The following OR10W1 variants were observed in gnomAD, a reference collection of about 807,000 sequenced individuals.
OR10W1 encodes olfactory receptor family 10 subfamily W member 1.
For synonymous variants in OR10W1, 152 were observed against 151.6 expected (o/e 1.00, Z -0.02); for missense variants, 406 against 365.8 (o/e 1.11, Z -0.90).
chr11:58,267,209 A>G lies in OR10W1; in HGVS notation c.650T>C (p.Leu217Pro), dbSNP rs1176086358. 1 of 1,614,184 alleles carries G rather than the reference A, an allele frequency of 6.2e-7. No homozygotes were observed. Among genetic ancestry groups the G allele is most frequent in the Non-Finnish European group, 8.5e-7 (1 of 1,180,008 alleles). Residue 217 changes from leucine to proline, a missense_variant, in exon 1 of 1, where the codon CTC becomes CCC. Coordinates refer to ENST00000395079, the MANE Select transcript of OR10W1 (RefSeq NM_207374.3). ...TSYTFIVAALLKIHSAAGRHR... is the reference protein window; with the variant it reads ...TSYTFIVAALPKIHSAAGRHR... Reference sequence around the variant, plus strand: ...GCGGCCAGCAGCCGAGTGGATCTTGAGCAGAGCAGCCACTATGAAGGTGTA... The same window carrying G: ...GCGGCCAGCAGCCGAGTGGATCTTGGGCAGAGCAGCCACTATGAAGGTGTA...
In OR10W1 at chr11:58,267,474, A is replaced by G. The variant is rs777290920; in HGVS notation, c.385T>C (p.Leu129=). The G allele has an allele frequency of 9.3e-6, 15 of 1,613,996 alleles. No homozygotes were observed. The Admixed American group carries it at 1.7e-4, about 18-fold the overall frequency. ...HPLQYPLLMT[L]TLCVHLVVAS... ...ACAACCAAGTGGACACAAAGAGTCA[A>G]TGTCATGAGGAGAGGGTACTGCAAC... The change falls in exon 1 of 1, where the codon TTG becomes CTG. Residue 129 remains leucine, a synonymous_variant. Coordinates refer to ENST00000395079, the MANE Select transcript of OR10W1 (RefSeq NM_207374.3).
At position 58,268,195 on chromosome 11, in the gene OR10W1, T is replaced by G. The variant is rs768198831; in HGVS notation, c.-337A>C. ...AGAAAGAGTGGAATGAAAATTCAATTCTTTCAGCAAATTCACAAGAAAGTG... is the reference window on the plus strand; with the variant it reads ...AGAAAGAGTGGAATGAAAATTCAATGCTTTCAGCAAATTCACAAGAAAGTG... On this transcript the variant is annotated 5_prime_UTR_variant, in exon 1 of 1. Transcript: ENST00000395079. 1.9e-5 allele frequency: 5 copies of G among 260,082 alleles called. No individual in the cohort carries two copies. Among genetic ancestry groups the G allele is most frequent in the Non-Finnish European group, 3.2e-5 (4 of 125,482 alleles). 16.1% of individuals were successfully genotyped at this position (260,082 alleles called of 1,614,324 possible).
rs754152466 is a variant in OR10W1 at position 58,267,885 on chromosome 11, T to C, written c.-27A>G. On this transcript the variant is annotated 5_prime_UTR_variant, in exon 1 of 1. Coordinates refer to ENST00000395079, the MANE Select transcript of OR10W1 (RefSeq NM_207374.3). ...AACACTGAGTGATTTTCCCAGGTAA[T>C]TGAGCTAACAGTATTTCTCTGTGGA... is the stretch of plus-strand genomic sequence containing the variant. 28 of 1,540,904 alleles carry C rather than the reference T, an allele frequency of 1.8e-5. No individual in the cohort carries two copies. The highest frequency in any genetic ancestry group is 1.3e-4 in the Admixed American group (8 of 59,326).
rs150847832 is a variant in OR10W1 at position 58,267,197 on chromosome 11, G to C, written c.662C>G (p.Ser221Trp). The part of the protein sequence containing the change: ...FIVAALLKIH[S>W]AAGRHRAFST... ...GAAGGCCCGGTGGCGGCCAGCAGCC[G>C]AGTGGATCTTGAGCAGAGCAGCCAC... is the stretch of plus-strand genomic sequence containing the variant. Residue 221 changes from serine (S) to tryptophan (W), a missense_variant, in exon 1 of 1, where the codon TCG (serine) becomes TGG (tryptophan). Physicochemically the swap from Ser to Trp is radical, Grantham distance 177. Coordinates refer to ENST00000395079, the MANE Select transcript of OR10W1 (RefSeq NM_207374.3). 4 of 1,614,148 alleles carry C rather than the reference G, an allele frequency of 2.5e-6. No individual in the cohort carries two copies. Among genetic ancestry groups the C allele is most frequent in the South Asian group, 1.1e-5 (1 of 91,082 alleles).
rs1283971715 is a variant in OR10W1 at position 58,267,651 on chromosome 11, G to A, written c.208C>T (p.Pro70Ser). The change falls in exon 1 of 1, where the codon CCC becomes TCC. Residue 70 changes from proline to serine, a missense_variant. Transcript: ENST00000395079. Reference protein sequence around the residue: ...IEICYTAVVVPHILANTLQSE... With the variant: ...IEICYTAVVVSHILANTLQSE... ...TGTAGGGTGTTGGCCAGGATATGGG[G>A]CACCACCACTGCAGTGTAGCATATT... is the stretch of plus-strand genomic sequence containing the variant. 4 of 1,614,074 alleles carry A rather than the reference G, an allele frequency of 2.5e-6. No homozygotes were observed. The East Asian group carries it at 8.9e-5, about 36-fold the overall frequency.
chr11:58,266,915 C>T lies in OR10W1; in HGVS notation c.*26G>A. 1 of 1,506,400 alleles carries T rather than the reference C, an allele frequency of 6.6e-7. No individual in the cohort carries two copies. Among genetic ancestry groups the T allele is most frequent in the Non-Finnish European group, 8.9e-7 (1 of 1,123,212 alleles). The allele number at this position is 1,506,400 out of a possible 1,614,324, so 93.3% of individuals were successfully genotyped here. A position where few individuals can be genotyped will look rare whatever the true frequency, so the allele number is the denominator to read the frequency against. On this transcript the variant is annotated 3_prime_UTR_variant, in exon 1 of 1. Coordinates refer to ENST00000395079, the MANE Select transcript of OR10W1 (RefSeq NM_207374.3). ...TTGGTGGGCTGGAACCAAATACTTG[C>T]CTGATAGGCTGTCCCCTCGTCTTTC...
rs1227805677 is a variant in OR10W1, at chr11:58,266,864, G to A, written c.*77C>T. 41 of 1,164,310 alleles carry A rather than the reference G, an allele frequency of 3.5e-5. No homozygotes were observed. The East Asian group carries it at 5.7e-4, about 16-fold the overall frequency. 72.1% of individuals were successfully genotyped at this position (1,164,310 alleles called of 1,614,324 possible). ...TTTTAGATGAGTTTTAACACCAAAT[G>A]ATAGAAATCTCAGTTTCATACAGAT... On this transcript the variant is annotated 3_prime_UTR_variant, in exon 1 of 1. Coordinates refer to ENST00000395079, the MANE Select transcript of OR10W1 (RefSeq NM_207374.3).
Position 58,266,886 on chromosome 11 carries a change from A to G in OR10W1, c.*55T>C. The G allele has an allele frequency of 7.4e-7, 1 of 1,352,610 alleles. No individual in the cohort carries two copies. Among genetic ancestry groups the G allele is most frequent in the Non-Finnish European group, 1.0e-6 (1 of 989,426 alleles). 83.8% of individuals were successfully genotyped at this position (1,352,610 alleles called of 1,614,324 possible). A position where few individuals can be genotyped will look rare whatever the true frequency, so the allele number is the denominator to read the frequency against. ...AATGATAGAAATCTCAGTTTCATAC[A>G]GATTTGGTGGGCTGGAACCAAATAC... On this transcript the variant is annotated 3_prime_UTR_variant, in exon 1 of 1. Transcript: ENST00000395079.
At position 58,267,598 on chromosome 11, in the gene OR10W1, G is replaced by T; in HGVS notation, c.261C>A (p.Gly87=). The T allele has an allele frequency of 1.2e-6, 2 of 1,614,158 alleles. No individual in the cohort carries two copies. The highest frequency in any genetic ancestry group is 1.7e-6 in the Non-Finnish European group (2 of 1,180,028). Residue 87 remains glycine, a synonymous_variant, in exon 1 of 1, where the codon GGC becomes GGA. Coordinates refer to ENST00000395079, the MANE Select transcript of OR10W1 (RefSeq NM_207374.3). The stretch of plus-strand genomic sequence containing the variant: ...TGAAGAAAGCCATCTGGGTGGCACA[G>T]CCCAGGAGAGTGATGGTCTTCTCTG... ...LQSEKTITLL[G]CATQMAFFIA... is the part of the protein sequence containing the mutation.
At position 58,267,751 on chromosome 11, in the gene OR10W1, A is replaced by G; in HGVS notation, c.108T>C (p.Ile36=). 1 of 1,614,082 alleles carries G rather than the reference A, an allele frequency of 6.2e-7. No homozygotes were observed. Among genetic ancestry groups the G allele is most frequent in the African/African-American group, 1.3e-5 (1 of 75,058 alleles). The change falls in exon 1 of 1, where the codon ATT becomes ATC. Residue 36 remains isoleucine (I), a synonymous_variant. Transcript: ENST00000395079. The stretch of plus-strand genomic sequence containing the variant: ...AGGTTTCTGTGTGAATGGACACCAC[A>G]ATGAGAATGTTCCCAGTGATGATCA... ...YGLIITGNIL[I]VVSIHTETCL...
Position 58,266,875 on chromosome 11 carries a change from C to G in OR10W1, c.*66G>C. ...TTTTAACACCAAATGATAGAAATCT[C>G]AGTTTCATACAGATTTGGTGGGCTG... On this transcript the variant is annotated 3_prime_UTR_variant, in exon 1 of 1. Coordinates refer to ENST00000395079, the MANE Select transcript of OR10W1 (RefSeq NM_207374.3). 1 of 1,246,152 alleles carries G rather than the reference C, an allele frequency of 8.0e-7. No individual in the cohort carries two copies. The highest frequency in any genetic ancestry group is 1.1e-6 in the Non-Finnish European group (1 of 894,928). The allele number at this position is 1,246,152 out of a possible 1,614,324, so 77.2% of individuals were successfully genotyped here.
chr11:58,267,149 G>A lies in OR10W1; in HGVS notation c.710C>T (p.Thr237Ile), dbSNP rs750881798. 12 of 1,614,154 alleles carry A rather than the reference G, an allele frequency of 7.4e-6. No homozygotes were observed. The highest frequency in any genetic ancestry group is 1.0e-5 in the Non-Finnish European group (12 of 1,180,016). ...RAFSTCSSHL[T>I]VVLLQYGCCA... ...GCAGCCATACTGCAGCAGCACCACA[G>A]TGAGGTGGGAAGAGCAGGTGGAGAA... Residue 237 changes from threonine to isoleucine, a missense_variant, in exon 1 of 1, where the codon ACT (threonine) becomes ATT (isoleucine). Physicochemically the swap from Thr to Ile is moderately conservative, Grantham distance 89. Transcript: ENST00000395079.
chr11:58,267,144 C>G lies in OR10W1; in HGVS notation c.715G>C (p.Val239Leu), dbSNP rs751733749. The change falls in exon 1 of 1, where the codon GTG becomes CTG. Residue 239 changes from valine (V) to leucine (L), a missense_variant. Physicochemically the swap from Val to Leu is conservative, Grantham distance 32. Coordinates refer to ENST00000395079, the MANE Select transcript of OR10W1 (RefSeq NM_207374.3). ...FSTCSSHLTV[V>L]LLQYGCCAFM... ...GCACAGCAGCCATACTGCAGCAGCACCACAGTGAGGTGGGAAGAGCAGGTG... is the reference window on the plus strand; with the variant it reads ...GCACAGCAGCCATACTGCAGCAGCAGCACAGTGAGGTGGGAAGAGCAGGTG... 6.2e-7 allele frequency: 1 copy of G among 1,614,106 alleles called. No individual in the cohort carries two copies. Among genetic ancestry groups the G allele is most frequent in the Non-Finnish European group, 8.5e-7 (1 of 1,180,008 alleles).
In OR10W1 at chr11:58,267,577, G is replaced by A. The variant is rs1176526367; in HGVS notation, c.282C>T (p.Phe94=). Residue 94 remains phenylalanine, a synonymous_variant, in exon 1 of 1, where the codon TTC becomes TTT. Coordinates refer to ENST00000395079, the MANE Select transcript of OR10W1 (RefSeq NM_207374.3). ...AATCAGCACTGCCCAGTGCAATGAA[G>A]AAAGCCATCTGGGTGGCACAGCCCA... ...TLLGCATQMA[F]FIALGSADCF... 6.2e-7 allele frequency: 1 copy of A among 1,614,200 alleles called. No individual in the cohort carries two copies. The highest frequency in any genetic ancestry group is 8.5e-7 in the Non-Finnish European group (1 of 1,180,044).
chr11:58,266,997 T>A lies in OR10W1; in HGVS notation c.862A>T (p.Met288Leu), dbSNP rs755098891. The change falls in exon 1 of 1, where the codon ATG (methionine) becomes TTG (leucine). Residue 288 changes from methionine to leucine, a missense_variant. Met to Leu is a conservative substitution (Grantham distance 15). Coordinates refer to ENST00000395079, the MANE Select transcript of OR10W1 (RefSeq NM_207374.3). ...AGAACTCTCCCTACGGCCCCTTTCA[T>A]CTCACTGTTCCTCAGGGCATAGATA... ...PLIYALRNSE[M>L]KGAVGRVLTR... is the part of the protein sequence containing the mutation. 6 of 1,602,210 alleles carry A rather than the reference T, an allele frequency of 3.7e-6. No homozygotes were observed. Among genetic ancestry groups the A allele is most frequent in the Non-Finnish European group, 5.1e-6 (6 of 1,172,446 alleles).
Position 58,267,106 on chromosome 11 carries a change from C to T in OR10W1, c.753G>A (p.Leu251=), listed in dbSNP as rs770900927. Reference sequence around the variant, plus strand: ...TGGGGTTGTAGCTGGAGCTGGGGCACAGGTACATGAAGGCACAGCAGCCAT... The same window carrying T: ...TGGGGTTGTAGCTGGAGCTGGGGCATAGGTACATGAAGGCACAGCAGCCAT... ...LQYGCCAFMY[L]CPSSSYNPKQ... is the part of the protein sequence containing the mutation. Residue 251 remains leucine (L), a synonymous_variant, in exon 1 of 1, where the codon CTG becomes CTA. Coordinates refer to ENST00000395079, the MANE Select transcript of OR10W1 (RefSeq NM_207374.3). The T allele has an allele frequency of 7.4e-6, 12 of 1,613,912 alleles. No homozygotes were observed. The highest frequency in any genetic ancestry group is 1.0e-5 in the Non-Finnish European group (12 of 1,179,980).
Position 58,266,977 on chromosome 11 carries a change from T to A in OR10W1, c.882A>T (p.Arg294Ser), listed in dbSNP as rs1404807792. 3 of 1,576,820 alleles carry A rather than the reference T, an allele frequency of 1.9e-6. No individual in the cohort carries two copies. The highest frequency in any genetic ancestry group is 3.6e-5 in the Admixed American group (2 of 56,292). ...GGGAAAGGCAGTTCCTGGTAAGAAC[T>A]CTCCCTACGGCCCCTTTCATCTCAC... ...RNSEMKGAVG[R>S]VLTRNCLSQN... The change falls in exon 1 of 1, where the codon AGA (arginine) becomes AGT (serine). Residue 294 changes from arginine (R) to serine (S), a missense_variant. Transcript: ENST00000395079.
Position 58,267,464 on chromosome 11 carries a change from CAA to C in OR10W1, c.393_394del (p.Val133ProfsTer33), listed in dbSNP as rs761751237. 4.5e-5 allele frequency: 72 copies of C among 1,613,778 alleles called. No homozygotes were observed. In the African/African-American group the frequency reaches 8.7e-4, roughly 19 times the overall value. ...GACTGATGCCACAACCAAGTGGACA[CAA>C]AGAGTCAATGTCATGAGGAGAGGGT... On this transcript the variant is annotated frameshift_variant, in exon 1 of 1. Coordinates refer to ENST00000395079, the MANE Select transcript of OR10W1 (RefSeq NM_207374.3). LOFTEE classifies it low-confidence loss of function (END_TRUNC).
In OR10W1 at chr11:58,267,193, A is replaced by G; in HGVS notation, c.666T>C (p.Ala222=). Residue 222 remains alanine (A), a synonymous_variant, in exon 1 of 1, where the codon GCT becomes GCC. Coordinates refer to ENST00000395079, the MANE Select transcript of OR10W1 (RefSeq NM_207374.3). The stretch of plus-strand genomic sequence containing the variant: ...TGGAGAAGGCCCGGTGGCGGCCAGC[A>G]GCCGAGTGGATCTTGAGCAGAGCAG... ...IVAALLKIHS[A]AGRHRAFSTC... 6.2e-7 allele frequency: 1 copy of G among 1,614,188 alleles called. No individual in the cohort carries two copies. The highest frequency in any genetic ancestry group is 8.5e-7 in the Non-Finnish European group (1 of 1,180,018).
Sources: allele counts gnomAD v4.1 joint callset, GRCh38; gene constraint gnomAD v4.1.1; transcripts MANE v1.5; gene names NCBI Gene and HGNC (gene_info 2026-07-23, HGNC 2026-07-21).